The following PRKCA variants were observed in gnomAD, a reference collection of about 807,000 sequenced individuals.
PRKCA encodes protein kinase C alpha type.
In PRKCA, 27 loss-of-function variants were observed where a neutral mutation model predicts 87.0. The observed-to-expected ratio is 0.31, with a 90% CI of 0.23 to 0.43. PRKCA has a LOEUF of 0.43. Among genes scored for constraint, PRKCA ranks in the 20% least tolerant of loss-of-function variants. The probability of loss-of-function intolerance (pLI) is 1.00; values close to 1 mark genes in which losing one functional copy is unlikely to be tolerated. For synonymous variants in PRKCA, 329 were observed against 311.1 expected (o/e 1.06, Z -0.61); for missense variants, 518 against 852.3 (o/e 0.61, Z 4.88).
intron 2 of PRKCA, among the ~76,000 whole-genome samples, chr17:66,399,470 C>T (rs971767478): frequency 5.3e-5 from 8 of 152,118 alleles, no homozygotes; most frequent in South Asian, 2.1e-4. Context: ...TGGTAAAAGA[C>T]GCCTAACATA....
At chr17:66,516,780 C>A (rs984562583) in intron 3 of PRKCA, among the ~76,000 whole-genome samples, 2 of 152,122 alleles carry the variant, frequency 1.3e-5, no homozygotes, top group East Asian at 1.9e-4. Context: ...CTGAGAACAA[C>A]CTCCAGTGAG....
chr17:66,445,340 A>G (rs189020168), intron 2 of PRKCA, among the ~76,000 whole-genome samples: 7 of 152,244 alleles, frequency 4.6e-5, no homozygotes, highest in African/African-American at 1.7e-4. Context: ...CGGGATTCAC[A>G]TACCAAGGCT....
intron 2 of PRKCA, among the ~76,000 whole-genome samples, chr17:66,430,005 A>G (rs999027758): frequency 2.0e-5 from 3 of 151,588 alleles, no homozygotes; most frequent in Non-Finnish European, 4.4e-5. Context: ...CCCTTCAAGG[A>G]CTCCTGAGCT....
chr17:66,529,688 T>A (rs1197615031), intron 3 of PRKCA, among the ~76,000 whole-genome samples: 1 of 152,220 alleles, frequency 6.6e-6, no homozygotes, highest in Non-Finnish European at 1.5e-5. Context: ...TTACATATTT[T>A]GAGCAACAAA....
In PRKCA at chr17:66,803,179, C is replaced by T. The variant is rs879925734; in HGVS notation, c.1855-694C>T. On this transcript the variant is annotated intron_variant, in intron 16 of 16. Transcript: ENST00000413366. The surrounding 1 kb of genome is among the most constrained non-coding windows in gnomAD (Gnocchi z 4.4). ...CAGGCCTCTCCCTGCCTCCCCAGGG[C>T]GCCATGCAAACATCCTCCAGCCTGA... Among the ~76,000 whole-genome samples the T allele has an allele frequency of 1.1e-4, 17 of 152,164 alleles. No individual in the cohort carries two copies. The highest frequency in any genetic ancestry group is 1.9e-4 in the East Asian group (1 of 5,180).
intron 2 of PRKCA, among the ~76,000 whole-genome samples, chr17:66,453,391 C>T (rs1267281636): frequency 6.6e-6 from 1 of 151,716 alleles, no homozygotes; most frequent in Non-Finnish European, 1.5e-5. Context: ...GATCTCAGCT[C>T]ACTGCAACCT....
chr17:66,759,286 G>A (rs918122159), intron 13 of PRKCA, among the ~76,000 whole-genome samples: 10 of 152,028 alleles, frequency 6.6e-5, no homozygotes, highest in Admixed American at 6.5e-4. Flanking sequence ...AACCCGGGAG[G>A]CAGAGCTTGC....
chr17:66,438,333 G>A (rs1913524739), intron 2 of PRKCA, among the ~76,000 whole-genome samples: 1 of 151,192 alleles, frequency 6.6e-6, no homozygotes, highest in Admixed American at 6.6e-5. Context: ...CTCTTGCCAT[G>A]GGTAGCTCTC....
chr17:66,742,980 G>T (rs1032569368), intron 13 of PRKCA, among the ~76,000 whole-genome samples: 2 of 152,238 alleles, frequency 1.3e-5, no homozygotes, highest in South Asian at 4.1e-4. Flanking sequence ...TTTGCTCCAT[G>T]TGAGCCAGTT....
intron 14 of PRKCA, 58 bp from the exon 15 acceptor site, chr17:66,786,809 C>A: frequency 7.1e-7 from 1 of 1,416,180 alleles, no homozygotes; most frequent in South Asian, 1.2e-5. Flanking sequence ...CTTCAGGCAC[C>A]ATGTGAATGA....
chr17:66,332,902 A>C (rs1248827714), intron 2 of PRKCA, among the ~76,000 whole-genome samples: 1 of 152,180 alleles, frequency 6.6e-6, no homozygotes, highest in African/African-American at 2.4e-5. Context: ...CATGTTAGCC[A>C]GGATGGTCTC....
At chr17:66,647,880 A>T (rs1010814000) in intron 5 of PRKCA, among the ~76,000 whole-genome samples, 2 of 152,220 alleles carry the variant, frequency 1.3e-5, no homozygotes, top group African/African-American at 4.8e-5. Flanking sequence ...AAATTTTTGT[A>T]GAGCTATAGC....
chr17:66,766,724 C>T (rs1197414542), intron 13 of PRKCA, among the ~76,000 whole-genome samples: 1 of 151,230 alleles, frequency 6.6e-6, no homozygotes, highest in Non-Finnish European at 1.5e-5. Context: ...AGAAGAATTG[C>T]TTGAACCCGG....
At chr17:66,471,082 C>T (rs1915306466) in intron 2 of PRKCA, among the ~76,000 whole-genome samples, 1 of 151,448 alleles carries the variant, frequency 6.6e-6, no homozygotes, top group African/African-American at 2.4e-5. Flanking sequence ...CATACAAGAG[C>T]TTTAGCTTCA....
chr17:66,369,546 A>AT (rs1165059698), intron 2 of PRKCA, among the ~76,000 whole-genome samples: 1 of 152,168 alleles, frequency 6.6e-6, no homozygotes, highest in East Asian at 1.9e-4. Flanking sequence ...TAAGCTTGAA[A>AT]TTTTTTAACT....
intron 3 of PRKCA, among the ~76,000 whole-genome samples, chr17:66,608,565 A>G (rs1018379609): frequency 2.0e-5 from 3 of 152,210 alleles, no homozygotes; most frequent in African/African-American, 7.2e-5. Flanking sequence ...TACGATAGAA[A>G]TTTGTTGCTG....
At chr17:66,512,843 C>T (rs1242395909) in intron 3 of PRKCA, among the ~76,000 whole-genome samples, 3 of 152,104 alleles carry the variant, frequency 2.0e-5, no homozygotes, top group Non-Finnish European at 4.4e-5. Context: ...TAGGCGTGCA[C>T]CACCATGCCC....
At chr17:66,381,183 C>A (rs113134992) in intron 2 of PRKCA, among the ~76,000 whole-genome samples, 6,758 of 152,124 alleles carry the variant, frequency 0.044, 216 homozygotes, top group Admixed American at 0.077. Context: ...CTCAAGCAGT[C>A]CCCCTGCCTC....
intron 2 of PRKCA, among the ~76,000 whole-genome samples, chr17:66,458,861 A>C (rs1598690230): frequency 6.6e-6 from 1 of 152,298 alleles, no homozygotes; most frequent in East Asian, 1.9e-4. Flanking sequence ...ACGTCATTGG[A>C]GAAAGCAAAG....
Sources: allele counts gnomAD v4.1 joint callset (sites outside exome capture counted in the v4.1 genomes callset), GRCh38; gene constraint gnomAD v4.1.1; non-coding constraint Gnocchi (gnomAD v3.1); transcripts MANE v1.5; gene names NCBI Gene and HGNC (gene_info 2026-07-23, HGNC 2026-07-21).